Variants in PRMT7 observed in about 807,000 individuals in gnomAD.
PRMT7 encodes the protein protein arginine methyltransferase 7.
A neutral mutation model predicts 85.4 loss-of-function variants in PRMT7; 75 were observed. That is an observed-to-expected ratio of 0.88 (90% CI 0.73 to 1.06). PRMT7 has a LOEUF of 1.06. PRMT7 is among the 50% of genes least tolerant of loss of function. PRMT7 has a pLI of 0.00. For missense variants in PRMT7, 868 were observed against 915.2 expected (o/e 0.95, Z 0.67); for synonymous variants, 397 against 359.5 (o/e 1.10, Z -1.18).
intron 5 of PRMT7, among the ~76,000 whole-genome samples, chr16:68,327,708 G>T (rs947063650): frequency 6.6e-6 from 1 of 152,128 alleles, no homozygotes; most frequent in African/African-American, 2.4e-5. Context: ...AGCACTTTGG[G>T]TGGCTGAGAC....
chr16:68,348,770 C>G (rs2086812890), intron 14 of PRMT7, among the ~76,000 whole-genome samples: 1 of 151,256 alleles, frequency 6.6e-6, no homozygotes, highest in African/African-American at 2.4e-5. Context: ...TCCCGAGTAG[C>G]TGGGACTGTA....
intron 3 of PRMT7, among the ~76,000 whole-genome samples, chr16:68,317,842 A>AG (rs1597118944): frequency 1.2e-4 from 7 of 57,202 alleles, no homozygotes; most frequent in Non-Finnish European, 5.9e-5. Context: ...AAAAAAAAAA[A>AG]AAGAAAAAAA....
chr16:68,349,922 A>G (rs1196802395), intron 14 of PRMT7, among the ~76,000 whole-genome samples: 2 of 152,040 alleles, frequency 1.3e-5, no homozygotes, highest in African/African-American at 4.8e-5. Flanking sequence ...AAAAGAGAAC[A>G]TTTCTGTTAC....
intron 16 of PRMT7, chr16:68,355,018 C>CGACA (rs776687195): frequency 1.3e-5 from 2 of 152,752 alleles, no homozygotes; most frequent in Non-Finnish European, 2.9e-5. Flanking sequence ...CCGACCCAGG[C>CGACA]TGTCCCCTGA....
chr16:68,311,024 T>G lies in PRMT7; in HGVS notation c.-294T>G, dbSNP rs1289453589. On this transcript the variant is annotated 5_prime_UTR_variant, in exon 1 of 19. Transcript: ENST00000441236. ...CGCCCCCCAGCACGCTCCTCGACGC[T>G]GCGAGGTCCCGCCCCGCGTGCTGGC... The G allele has an allele frequency of 3.6e-6, 4 of 1,112,616 alleles. No homozygotes were observed. Among genetic ancestry groups the G allele is most frequent in the Non-Finnish European group, 5.3e-6 (4 of 761,262 alleles). 68.9% of individuals were successfully genotyped at this position (1,112,616 alleles called of 1,614,324 possible). A position where few individuals can be genotyped will look rare whatever the true frequency, so the allele number is the denominator to read the frequency against.
chr16:68,339,747 G>A, intron 8 of PRMT7, 41 bp from the exon 9 acceptor site: 2 of 1,597,144 alleles, frequency 1.3e-6, no homozygotes, highest in Non-Finnish European at 1.7e-6. Flanking sequence ...TGGAGTGTGT[G>A]AGGTTAAACT....
At chr16:68,323,991 T>TA (rs1312315508) in intron 4 of PRMT7, 1 of 152,208 alleles carries the variant, frequency 6.6e-6, no homozygotes, top group Admixed American at 6.5e-5. Context: ...CTCTCTGAGT[T>TA]AGAGTCGGTA....
chr16:68,353,502 G>A lies in PRMT7; in HGVS notation c.1586G>A (p.Arg529Gln), dbSNP rs144149707. ...GCTCCTTCCTCACAGGACCTGTGGC[G>A]GATCCGGAGCCCCTGTGGTGACTGC... ...AVVVEFRDLW[R>Q]IRSPCGDCEG... Residue 529 changes from arginine to glutamine, a missense_variant, in exon 16 of 19, where the codon CGG becomes CAG. Physicochemically the swap from Arg to Gln is conservative, Grantham distance 43. Transcript: ENST00000441236. 2.3e-5 allele frequency: 37 copies of A among 1,609,116 alleles called. No individual in the cohort carries two copies. Among genetic ancestry groups the A allele is most frequent in the Non-Finnish European group, 2.8e-5 (33 of 1,178,080 alleles).
In PRMT7 at chr16:68,356,842, G is replaced by A. The variant is rs2088633227; in HGVS notation, c.1908+45G>A. 9.6e-6 allele frequency: 15 copies of A among 1,555,620 alleles called. No homozygotes were observed. The East Asian group carries it at 3.5e-4, about 37-fold the overall frequency. On this transcript the variant is annotated intron_variant, in intron 18 of 18. Coordinates refer to ENST00000441236, the MANE Select transcript of PRMT7 (RefSeq NM_019023.5). ...CCCAGTGTGCGTGCAGACCCTGAGA[G>A]CAGGCGCCGCCTGGGGAGGCCTCCC... is the stretch of plus-strand genomic sequence containing the variant.
chr16:68,317,010 T>C (rs1322981188), intron 3 of PRMT7: 1 of 147,900 alleles, frequency 6.8e-6, no homozygotes, highest in African/African-American at 2.5e-5. Context: ...GAGGGGGTGG[T>C]GGCGGCTGAT....
intron 17 of PRMT7, 149 bp from the exon 18 acceptor site, chr16:68,356,552 C>G: frequency 1.6e-6 from 1 of 643,574 alleles, no homozygotes; most frequent in Non-Finnish European, 2.7e-6. Context: ...TTCTGAGGAA[C>G]GTTTATGTAA....
At chr16:68,352,187 G>C in intron 14 of PRMT7, 61 bp from the exon 15 acceptor site, 1 of 1,544,586 alleles carries the variant, frequency 6.5e-7, no homozygotes, top group Non-Finnish European at 8.8e-7. Context: ...CCGTGTTCCT[G>C]TTAACACTCC....
At chr16:68,356,437 C>T (rs1028321284) in intron 17 of PRMT7, among the ~76,000 whole-genome samples, 2 of 152,260 alleles carry the variant, frequency 1.3e-5, no homozygotes, top group Non-Finnish European at 2.9e-5. Context: ...CCTCAAGCTC[C>T]CCCAGACCCT....
chr16:68,346,326 A>G, intron 11 of PRMT7, 46 bp downstream of exon 11: 1 of 1,607,688 alleles, frequency 6.2e-7, no homozygotes, highest in Non-Finnish European at 8.5e-7. Context: ...AGGGAGAAAG[A>G]AGTTTGTCCC....
intron 6 of PRMT7, among the ~76,000 whole-genome samples, chr16:68,334,620 TG>T (rs1354157751): frequency 6.6e-6 from 1 of 152,058 alleles, no homozygotes; most frequent in Non-Finnish European, 1.5e-5. Context: ...GGGAGCAGCG[TG>T]TGTTCATCCG....
chr16:68,331,346 C>T (rs975956388), intron 6 of PRMT7, among the ~76,000 whole-genome samples: 2 of 152,088 alleles, frequency 1.3e-5, no homozygotes, highest in Non-Finnish European at 2.9e-5. Flanking sequence ...GTTTATCTCT[C>T]TACCTGTTGA....
chr16:68,333,192 T>C (rs986605305), intron 6 of PRMT7, among the ~76,000 whole-genome samples: 1 of 151,632 alleles, frequency 6.6e-6, no homozygotes, highest in African/African-American at 2.4e-5. Context: ...TATTAGAAAC[T>C]AAGTCTTGCG....
intron 6 of PRMT7, among the ~76,000 whole-genome samples, chr16:68,335,491 G>A (rs1346505809): frequency 2.0e-5 from 3 of 152,124 alleles, no homozygotes; most frequent in East Asian, 1.9e-4. Context: ...AGGGCTTCTC[G>A]GGAGGGTGGT....
rs1001627051 is a variant in PRMT7, at chr16:68,357,732, G to C, written c.*508G>C. ...GGGCTTGAAGACCCTGGCTGGGCCC[G>C]GGCTGAGAGGCCTGGGTTCTGGCCC... On this transcript the variant is annotated 3_prime_UTR_variant, in exon 19 of 19. Coordinates refer to ENST00000441236, the MANE Select transcript of PRMT7 (RefSeq NM_019023.5). 1 of 156,740 alleles carries C rather than the reference G, an allele frequency of 6.4e-6. No individual in the cohort carries two copies. Among genetic ancestry groups the C allele is most frequent in the South Asian group, 1.9e-4 (1 of 5,206 alleles). The allele number at this position is 156,740 out of a possible 1,614,324, so 9.7% of individuals were successfully genotyped here.
Sources: gnomAD v4.1 joint callset for allele counts (sites outside exome capture counted in the v4.1 genomes callset) on GRCh38, gnomAD v4.1.1 for gene constraint, MANE v1.5 for transcripts, NCBI Gene and HGNC (gene_info 2026-07-23, HGNC 2026-07-21) for gene names.